PRKACB: variants seen among roughly 807,000 people sequenced by gnomAD.
The protein encoded by PRKACB is protein kinase cAMP-activated catalytic subunit beta, also known as cAMP-dependent protein kinase catalytic subunit beta.
Under a neutral mutation model 51.4 loss-of-function variants are expected in PRKACB, and 16 were observed. The observed-to-expected ratio is 0.31, with a 90% CI of 0.21 to 0.47. The LOEUF is 0.47. Ranked by LOEUF, PRKACB falls within the 20% of genes least tolerant of loss-of-function variation. The pLI is 1.00. For synonymous variants in PRKACB, 147 were observed against 154.4 expected (o/e 0.95, Z 0.35); for missense variants, 309 against 464.5 (o/e 0.67, Z 3.08).
intron 1 of PRKACB, among the ~76,000 whole-genome samples, chr1:84,131,431 A>T (rs1194671175): frequency 1.3e-5 from 2 of 152,182 alleles, no homozygotes; most frequent in Non-Finnish European, 2.9e-5. Flanking sequence ...AAAAGGGAAA[A>T]AAGCAACTCT....
intron 1 of PRKACB, among the ~76,000 whole-genome samples, chr1:84,082,996 C>T (rs1025543534): frequency 1.3e-5 from 2 of 152,160 alleles, no homozygotes; most frequent in South Asian, 4.1e-4. Flanking sequence ...TATTATAGTT[C>T]AATAATTTGT....
chr1:84,118,213 C>T (rs905727739), intron 1 of PRKACB, among the ~76,000 whole-genome samples: 7 of 152,126 alleles, frequency 4.6e-5, no homozygotes, highest in Admixed American at 2.0e-4. Flanking sequence ...CTTGACCAAG[C>T]GGGCCACTTG....
intron 1 of PRKACB, 123 bp downstream of exon 1, chr1:84,144,671 G>T: frequency 9.4e-7 from 1 of 1,061,980 alleles, no homozygotes; most frequent in Non-Finnish European, 1.3e-6. Flanking sequence ...AGGACATTTT[G>T]CAAGATGAAG....
intron 8 of PRKACB, chr1:84,204,567 A>G (rs1671035265): frequency 1.3e-6 from 2 of 1,562,064 alleles, no homozygotes; most frequent in Admixed American, 3.5e-5. Context: ...AGAAGTGTAG[A>G]CTCTCAAGAG....
intron 1 of PRKACB, among the ~76,000 whole-genome samples, chr1:84,118,906 C>G (rs879387459): frequency 6.6e-6 from 1 of 152,048 alleles, no homozygotes; most frequent in Non-Finnish European, 1.5e-5. Flanking sequence ...CTAAGAAATA[C>G]TCTTGTTTTT....
At chr1:84,095,412 G>C (rs922336709) in intron 1 of PRKACB, among the ~76,000 whole-genome samples, 1 of 151,872 alleles carries the variant, frequency 6.6e-6, no homozygotes, top group Admixed American at 6.6e-5. Context: ...TATTTTATAA[G>C]TATGGAATTT....
At chr1:84,195,777 G>T (rs1668054375) in intron 5 of PRKACB, among the ~76,000 whole-genome samples, 4 of 152,038 alleles carry the variant, frequency 2.6e-5, no homozygotes, top group Admixed American at 2.6e-4. Context: ...GCCGGGCATG[G>T]TGGTGGGCGC....
chr1:84,113,355 T>G (rs907236458), intron 1 of PRKACB, among the ~76,000 whole-genome samples: 1 of 152,094 alleles, frequency 6.6e-6, no homozygotes, highest in African/African-American at 2.4e-5. Context: ...CAAAAGGAAG[T>G]ATGTATCAAA....
intron 9 of PRKACB, among the ~76,000 whole-genome samples, chr1:84,217,360 A>T (rs1373092984): frequency 6.6e-6 from 1 of 151,966 alleles, no homozygotes; most frequent in Admixed American, 6.6e-5. Flanking sequence ...TCATCACTGC[A>T]GTTCAGTCCT....
intron 5 of PRKACB, among the ~76,000 whole-genome samples, chr1:84,195,236 C>A (rs1235596551): frequency 6.6e-6 from 1 of 152,128 alleles, no homozygotes; most frequent in African/African-American, 2.4e-5. Context: ...TGGGATGAAG[C>A]TGAAACTGGA....
At chr1:84,174,921 T>C (rs2100873547) in intron 1 of PRKACB, 1 of 961,654 alleles carries the variant, frequency 1.0e-6, no homozygotes. Context: ...AATTTCTACA[T>C]TAACATTTTA....
chr1:84,156,066 G>T (rs866074602), intron 1 of PRKACB, among the ~76,000 whole-genome samples: 1 of 152,074 alleles, frequency 6.6e-6, no homozygotes, highest in Non-Finnish European at 1.5e-5. Flanking sequence ...ATGGCTCACT[G>T]CAGCCTTGTT....
At chr1:84,086,752 C>G (rs1648032453) in intron 1 of PRKACB, among the ~76,000 whole-genome samples, 2 of 152,208 alleles carry the variant, frequency 1.3e-5, no homozygotes, top group African/African-American at 4.8e-5. Context: ...ACACTCAAAT[C>G]CCCTGTAGTT....
chr1:84,184,581 A>C (rs1156432637), intron 4 of PRKACB, among the ~76,000 whole-genome samples: 2 of 151,874 alleles, frequency 1.3e-5, no homozygotes, highest in African/African-American at 4.8e-5. Context: ...AAATTGTACC[A>C]CATTTATTAT....
chr1:84,195,652 C>G (rs1170557780), intron 5 of PRKACB, among the ~76,000 whole-genome samples: 1 of 152,054 alleles, frequency 6.6e-6, no homozygotes, highest in East Asian at 1.9e-4. Context: ...GTGGCTGACT[C>G]CTGTAATCCC....
In PRKACB at chr1:84,096,521, CA is replaced by C. The variant is rs528145437; in HGVS notation, c.46+18152del. Among the ~76,000 whole-genome samples the C allele has an allele frequency of 3.8e-3, 575 of 152,170 alleles. 5 individuals are homozygous for C. Among genetic ancestry groups the C allele is most frequent in the Non-Finnish European group, 6.2e-3 (424 of 67,938 alleles). On this transcript the variant is annotated intron_variant, in intron 1 of 8. Transcript: ENST00000370688. ...TTAGCTTTTTGCATGTCCTTTCTAC[CA>C]ATTGAGGAAATGCCCTGAGGGCAAA...
chr1:84,224,579 T>TC (rs1266553122), intron 9 of PRKACB, among the ~76,000 whole-genome samples: 1 of 152,068 alleles, frequency 6.6e-6, no homozygotes, highest in Non-Finnish European at 1.5e-5. Flanking sequence ...GGCAGGGCAA[T>TC]CCCCAGGCCC....
At chr1:84,096,497 T>C (rs184364199) in intron 1 of PRKACB, among the ~76,000 whole-genome samples, 46 of 152,248 alleles carry the variant, frequency 3.0e-4, no homozygotes, top group Admixed American at 2.6e-3. Flanking sequence ...ATTTGAGCCT[T>C]AGCTTTTTGC....
intron 1 of PRKACB, among the ~76,000 whole-genome samples, chr1:84,176,936 G>A (rs1308799609): frequency 6.6e-6 from 1 of 151,846 alleles, no homozygotes; most frequent in Non-Finnish European, 1.5e-5. Flanking sequence ...CACCAGGCAG[G>A]GAAAAGGAAT....
Sources: gnomAD v4.1 joint callset for allele counts (sites outside exome capture counted in the v4.1 genomes callset) on GRCh38, gnomAD v4.1.1 for gene constraint, MANE v1.5 for transcripts, NCBI Gene and HGNC (gene_info 2026-07-23, HGNC 2026-07-21) for gene names.